The following RNF115 variants were observed in gnomAD, a reference collection of about 807,000 sequenced individuals.
RNF115 encodes ring finger protein 115.
Under a neutral mutation model 39.2 loss-of-function variants are expected in RNF115, and 31 were observed. The observed-to-expected ratio is 0.79, with a 90% confidence interval of 0.59 to 1.07. RNF115 has a LOEUF of 1.07. Among genes scored for constraint, RNF115 ranks in the 50% least tolerant of loss-of-function variants. The probability of loss-of-function intolerance (pLI) is 0.00; values close to 1 mark genes in which losing one functional copy is unlikely to be tolerated. For missense variants in RNF115, 384 were observed against 381.7 expected, an observed-to-expected ratio of 1.01 and a Z score of -0.05; for synonymous variants, 124 against 131.0, an observed-to-expected ratio of 0.95 and a Z score of 0.37.
In RNF115 at chr1:145,751,549, A is replaced by G. The variant is rs201318585; in HGVS notation, c.501-39T>C. On this transcript the variant is annotated intron_variant, in intron 5 of 8. Transcript: ENST00000582693. Reference sequence around the variant, plus strand: ...GAGATAGACAGCATTAGATGGAGTGACCAGGCTCTGCCTTACACCACAGAA... The same window carrying G: ...GAGATAGACAGCATTAGATGGAGTGGCCAGGCTCTGCCTTACACCACAGAA... The G allele has an allele frequency of 2.9e-5, 43 of 1,475,492 alleles. No homozygotes were observed. The African/African-American group carries it at 5.4e-4, about 19-fold the overall frequency. The allele number at this position is 1,475,492 out of a possible 1,614,324, so 91.4% of individuals were successfully genotyped here.
At chr1:145,799,670 G>A (rs1232414674) in intron 1 of RNF115, among the ~76,000 whole-genome samples, 2 of 152,130 alleles carry the variant, frequency 1.3e-5, no homozygotes, top group Non-Finnish European at 2.9e-5. Flanking sequence ...GATATGGTAC[G>A]ATCTTTGCTC....
chr1:145,752,667 C>A, intron 5 of RNF115, among the ~76,000 whole-genome samples: 1 of 143,494 alleles, frequency 7.0e-6, no homozygotes, highest in Non-Finnish European at 1.5e-5. Context: ...CGGCTCACTG[C>A]AACCTCCACC....
intron 4 of RNF115, among the ~76,000 whole-genome samples, chr1:145,756,304 A>G (rs1260122734): frequency 2.0e-5 from 3 of 152,112 alleles, no homozygotes; most frequent in Admixed American, 6.5e-5. Context: ...TACTAAAAAT[A>G]CAAAAATTAG....
chr1:145,752,770 G>C (rs1553712655), intron 5 of RNF115, among the ~76,000 whole-genome samples: 1 of 151,832 alleles, frequency 6.6e-6, no homozygotes. Context: ...TATATTTTTA[G>C]TAGAGACGGG....
intron 3 of RNF115, among the ~76,000 whole-genome samples, chr1:145,782,866 T>C (rs1553717631): frequency 6.6e-6 from 1 of 152,248 alleles, no homozygotes; most frequent in Non-Finnish European, 1.5e-5. Context: ...CATTTTATTG[T>C]ATTTTACTTT....
rs587721789 is a variant in RNF115, at chr1:145,789,693, C to T, written c.103-727G>A. On this transcript the variant is annotated intron_variant, in intron 1 of 8. Transcript: ENST00000582693. ...GATTACAGGTGTGAGCCACCACACC[C>T]GGACTTCTTTTTTTTTTTTTTTTTT... Among the ~76,000 whole-genome samples, 85 of 146,858 alleles carry T rather than the reference C, an allele frequency of 5.8e-4. No individual in the cohort carries two copies. In the South Asian group the frequency reaches 0.011, roughly 20 times the overall value.
In RNF115 at chr1:145,743,616, C is replaced by CTTT. The variant is rs1553711225; in HGVS notation, c.*3249_*3250insAAA. 1.3e-5 allele frequency: 2 copies of CTTT among 151,574 alleles called. No homozygotes were observed. Among genetic ancestry groups the CTTT allele is most frequent in the African/African-American group, 4.9e-5 (2 of 41,232 alleles). 9.4% of individuals were successfully genotyped at this position (151,574 alleles called of 1,614,324 possible). A position where few individuals can be genotyped will look rare whatever the true frequency, so the allele number is the denominator to read the frequency against. On this transcript the variant is annotated 3_prime_UTR_variant, in exon 9 of 9. Coordinates refer to ENST00000582693, the MANE Select transcript of RNF115 (RefSeq NM_014455.4). Reference sequence around the variant, plus strand: ...CCAACAAGGTAAAACCTTGTCTCTACTAAACATATAAAAAATTAGCTGGGC... The same window carrying CTTT: ...CCAACAAGGTAAAACCTTGTCTCTACTTTTAAACATATAAAAAATTAGCTGGGC...
chr1:145,773,772 A>G (rs893980271), intron 3 of RNF115: 1 of 151,264 alleles, frequency 6.6e-6, no homozygotes, highest in Non-Finnish European at 1.5e-5. Context: ...CAGGCTTTCA[A>G]TATCTTATTG....
At chr1:145,768,181 T>C (rs1647464731) in intron 4 of RNF115, among the ~76,000 whole-genome samples, 1 of 152,240 alleles carries the variant, frequency 6.6e-6, no homozygotes, top group Admixed American at 6.5e-5. Flanking sequence ...ACTTTCACTC[T>C]TCTCCGCTCA....
At chr1:145,788,436 T>C (rs10910836) in intron 2 of RNF115, among the ~76,000 whole-genome samples, 126,900 of 152,158 alleles carry the variant, frequency 0.83, 53,162 homozygotes, top group African/African-American at 0.89. Flanking sequence ...GAGTAACAAT[T>C]GGTTTTCCTG....
In RNF115 at chr1:145,782,453, A is replaced by G. The variant is rs114919732; in HGVS notation, c.219+2086T>C. Among the ~76,000 whole-genome samples, 521 of 152,154 alleles carry G rather than the reference A, an allele frequency of 3.4e-3. 7 individuals are homozygous for G. Among genetic ancestry groups the G allele is most frequent in the African/African-American group, 0.012 (503 of 41,456 alleles). On this transcript the variant is annotated intron_variant, in intron 3 of 8. Transcript: ENST00000582693. Reference sequence around the variant, plus strand: ...CCTGGGCAATAAGGCCCCATCTCTTAAAAACACACACACACACACTTCTTA... The same window carrying G: ...CCTGGGCAATAAGGCCCCATCTCTTGAAAACACACACACACACACTTCTTA...
chr1:145,793,575 G>A (rs1268273501), intron 1 of RNF115, among the ~76,000 whole-genome samples: 2 of 151,772 alleles, frequency 1.3e-5, no homozygotes, highest in East Asian at 1.9e-4. Flanking sequence ...CCAGTCTTCT[G>A]AATTCCAGAC....
Position 145,748,054 on chromosome 1 carries a change from G to C in RNF115, c.724C>G (p.Arg242Gly), listed in dbSNP as rs587646473. The change falls in exon 8 of 9, where the codon CGG becomes GGG. Residue 242 changes from arginine (R) to glycine (G), a missense_variant. Coordinates refer to ENST00000582693, the MANE Select transcript of RNF115 (RefSeq NM_014455.4). Reference sequence around the variant, plus strand: ...AAGAAGTGATTGCAAGGTAACTGCCGGACTTCCTCTTCAACTGTGTAATCT... The same window carrying C: ...AAGAAGTGATTGCAAGGTAACTGCCCGACTTCCTCTTCAACTGTGTAATCT... Reference protein sequence around the residue: ...KEDYTVEEEVRQLPCNHFFHS... With the variant: ...KEDYTVEEEVGQLPCNHFFHS... 6.2e-7 allele frequency: 1 copy of C among 1,613,762 alleles called. No individual in the cohort carries two copies. The highest frequency in any genetic ancestry group is 1.1e-5 in the South Asian group (1 of 91,054).
intron 4 of RNF115, among the ~76,000 whole-genome samples, chr1:145,759,192 C>A (rs1361828298): frequency 6.6e-6 from 1 of 152,184 alleles, no homozygotes; most frequent in Admixed American, 6.5e-5. Context: ...TCTCTGAGCT[C>A]TGCTATTTCC....
At chr1:145,822,203 C>T (rs1210150547) in intron 1 of RNF115, among the ~76,000 whole-genome samples, 2 of 151,742 alleles carry the variant, frequency 1.3e-5, no homozygotes, top group African/African-American at 4.8e-5. Context: ...TGGTCGTGCA[C>T]CTATAGTCCC....
chr1:145,748,121 A>C lies in RNF115; in HGVS notation c.668-11T>G. 1 of 1,580,202 alleles carries C rather than the reference A, an allele frequency of 6.3e-7. No individual in the cohort carries two copies. Among genetic ancestry groups the C allele is most frequent in the Non-Finnish European group, 8.7e-7 (1 of 1,149,426 alleles). On this transcript the variant is annotated splice_polypyrimidine_tract_variant and intron_variant, in intron 7 of 8. Transcript: ENST00000582693. ...ACTCTAAACCCATATCTGTTGAAGA[A>C]GGAAATGCCTTTTAAAGTAAACAGG...
intron 4 of RNF115, among the ~76,000 whole-genome samples, chr1:145,763,970 G>A (rs1658640380): frequency 7.2e-6 from 1 of 139,550 alleles, no homozygotes; most frequent in Admixed American, 7.8e-5. Flanking sequence ...CCGAGCCGAA[G>A]CTGGACTGTA....
rs1553712027 is a variant in RNF115 at position 145,748,125 on chromosome 1, A to C, written c.668-15T>G. 13 of 1,572,130 alleles carry C rather than the reference A, an allele frequency of 8.3e-6. No individual in the cohort carries two copies. In the South Asian group the frequency reaches 1.4e-4, roughly 17 times the overall value. On this transcript the variant is annotated splice_polypyrimidine_tract_variant and intron_variant, in intron 7 of 8. Coordinates refer to ENST00000582693, the MANE Select transcript of RNF115 (RefSeq NM_014455.4). The stretch of plus-strand genomic sequence containing the variant: ...TAAACCCATATCTGTTGAAGAAGGA[A>C]ATGCCTTTTAAAGTAAACAGGCAAA...
At chr1:145,761,763 G>A (rs1658515888) in intron 4 of RNF115, among the ~76,000 whole-genome samples, 1 of 152,162 alleles carries the variant, frequency 6.6e-6, no homozygotes, top group Non-Finnish European at 1.5e-5. Flanking sequence ...GTGAGAAGTG[G>A]GCCACCATCT....
Sources: gnomAD v4.1 joint callset for allele counts (sites outside exome capture counted in the v4.1 genomes callset) on GRCh38, gnomAD v4.1.1 for gene constraint, MANE v1.5 for transcripts, NCBI Gene and HGNC (gene_info 2026-07-23, HGNC 2026-07-21) for gene names.